The following TRIM3 variants were observed in gnomAD, a reference collection of about 807,000 sequenced individuals.
The protein encoded by TRIM3 is tripartite motif-containing protein 3.
TRIM3 carries 13 observed loss-of-function variants against 66.6 expected under a neutral mutation model. That is an observed-to-expected ratio of 0.20 (90% CI 0.13 to 0.31). The LOEUF (loss-of-function observed/expected upper bound fraction) is 0.31, where lower values mean the gene tolerates loss of function less well. TRIM3 is among the 10% of genes least tolerant of loss of function. TRIM3 has a pLI of 1.00. For missense variants in TRIM3, 711 were observed against 1,020.4 expected (o/e 0.70, Z 4.13); for synonymous variants, 406 against 411.7 (o/e 0.99, Z 0.17).
chr11:6,453,204 C>A (rs1432683423), intron 7 of TRIM3: 2 of 152,200 alleles, frequency 1.3e-5, no homozygotes, highest in Non-Finnish European at 2.9e-5. Flanking sequence ...AATCTCAGAC[C>A]TGAACTGGAC....
chr11:6,467,669 G>A (rs973895053), intron 1 of TRIM3, among the ~76,000 whole-genome samples: 13 of 152,194 alleles, frequency 8.5e-5, no homozygotes, highest in Admixed American at 6.5e-5. Context: ...GGAGGCTGAG[G>A]TGGGAGGATT....
Position 6,450,782 on chromosome 11 carries a change from G to T in TRIM3, c.1870+110C>A. Reference sequence around the variant, plus strand: ...TGATAGGGCTAACGTAAGGGAAGTGGGATCTCCAGAGCCAAGATATAGGAG... The same window carrying T: ...TGATAGGGCTAACGTAAGGGAAGTGTGATCTCCAGAGCCAAGATATAGGAG... On this transcript the variant is annotated intron_variant, in intron 9 of 11. Transcript: ENST00000345851. The surrounding 1 kb of genome is among the most constrained non-coding windows in gnomAD (Gnocchi z 4.8). 1 of 1,497,206 alleles carries T rather than the reference G, an allele frequency of 6.7e-7. No homozygotes were observed. Among genetic ancestry groups the T allele is most frequent in the South Asian group, 1.2e-5 (1 of 83,176 alleles). 92.7% of individuals were successfully genotyped at this position (1,497,206 alleles called of 1,614,324 possible).
chr11:6,455,312 G>A (rs1214522196), intron 7 of TRIM3, among the ~76,000 whole-genome samples: 1 of 152,168 alleles, frequency 6.6e-6, no homozygotes, highest in African/African-American at 2.4e-5. Flanking sequence ...TTGTTAGTAT[G>A]TGACAGAGCT....
chr11:6,469,897 C>T (rs1311373405), intron 1 of TRIM3, among the ~76,000 whole-genome samples: 5 of 152,040 alleles, frequency 3.3e-5, no homozygotes, highest in Admixed American at 3.3e-4. Context: ...AACGTTCAAG[C>T]TGAGGATGAG....
chr11:6,461,046 T>C (rs571746332), intron 2 of TRIM3, among the ~76,000 whole-genome samples: 6 of 151,918 alleles, frequency 3.9e-5, no homozygotes, highest in African/African-American at 1.4e-4. Context: ...GCTGGGATTA[T>C]AGGCTCACAC....
chr11:6,454,434 C>T (rs1197630576), intron 7 of TRIM3, among the ~76,000 whole-genome samples: 3 of 150,850 alleles, frequency 2.0e-5, no homozygotes, highest in Admixed American at 1.3e-4. Context: ...CTCACCAGGA[C>T]AGACAAAGTG....
intron 2 of TRIM3, among the ~76,000 whole-genome samples, chr11:6,461,682 A>C (rs1482441902): frequency 6.6e-6 from 1 of 152,058 alleles, no homozygotes; most frequent in Admixed American, 6.6e-5. Flanking sequence ...CACTGAATCT[A>C]GTGTTTCCCC....
At chr11:6,463,142 T>C (rs768657176) in intron 2 of TRIM3, among the ~76,000 whole-genome samples, 13 of 152,004 alleles carry the variant, frequency 8.6e-5, no homozygotes, top group African/African-American at 1.2e-4. Flanking sequence ...GAGGCAGAGA[T>C]TGCAGTGAGC....
chr11:6,474,081 C>T (rs1393135484), upstream of TRIM3: 4 of 150,548 alleles, frequency 2.7e-5, no homozygotes, highest in Non-Finnish European at 3.0e-5. Context: ...CACCCGCACG[C>T]CCCCCCGCCA....
chr11:6,457,602 C>A lies in TRIM3; in HGVS notation c.515+94G>T. On this transcript the variant is annotated intron_variant, in intron 4 of 11. Coordinates refer to ENST00000345851, the MANE Select transcript of TRIM3 (RefSeq NM_033278.4). This position sits in a 1 kb window ranked among gnomAD's most constrained non-coding sequence, Gnocchi z 4.5. Reference sequence around the variant, plus strand: ...CCTGAGACCTCCCTGAGACTTCCATCTCTGCCCTTCCCAGACCCTTTATTC... The same window carrying A: ...CCTGAGACCTCCCTGAGACTTCCATATCTGCCCTTCCCAGACCCTTTATTC... 2 of 1,553,896 alleles carry A rather than the reference C, an allele frequency of 1.3e-6. No homozygotes were observed. Among genetic ancestry groups the A allele is most frequent in the African/African-American group, 1.4e-5 (1 of 74,058 alleles).
chr11:6,458,143 C>T lies in TRIM3; in HGVS notation c.285G>A (p.Gly95=), dbSNP rs529205816. 3.1e-6 allele frequency: 5 copies of T among 1,614,044 alleles called. No individual in the cohort carries two copies. The highest frequency in any genetic ancestry group is 2.2e-5 in the East Asian group (1 of 44,878). ...LMEAMQQAPD[G]AHDPEDPHPL... is the part of the protein sequence containing the mutation. ...GGTGGGGGTCCTCCGGGTCGTGGGCCCCATCAGGTGCCTGCTGCATTGCCT... is the reference window on the plus strand; with the variant it reads ...GGTGGGGGTCCTCCGGGTCGTGGGCTCCATCAGGTGCCTGCTGCATTGCCT... Residue 95 remains glycine (G), a synonymous_variant, in exon 3 of 12, where the codon GGG becomes GGA. Coordinates refer to ENST00000345851, the MANE Select transcript of TRIM3 (RefSeq NM_033278.4). This position sits in a 1 kb window ranked among gnomAD's most constrained non-coding sequence, Gnocchi z 6.2.
chr11:6,453,788 T>C (rs908984795), intron 7 of TRIM3, among the ~76,000 whole-genome samples: 2 of 152,182 alleles, frequency 1.3e-5, no homozygotes, highest in Non-Finnish European at 2.9e-5. Context: ...GTCTGCCTCA[T>C]CCTCCACCAT....
intron 7 of TRIM3, among the ~76,000 whole-genome samples, chr11:6,455,263 TAC>T (rs1325608016): frequency 1.5e-5 from 2 of 132,412 alleles, no homozygotes; most frequent in Non-Finnish European, 3.1e-5. Context: ...TTCCTAATTT[TAC>T]ACATGAGTTA....
At position 6,449,284 on chromosome 11, in the gene TRIM3, G is replaced by A. The variant is rs1849620669; in HGVS notation, c.2082+22C>T. 6.2e-7 allele frequency: 1 copy of A among 1,612,022 alleles called. No homozygotes were observed. Among genetic ancestry groups the A allele is most frequent in the African/African-American group, 1.3e-5 (1 of 75,018 alleles). Reference sequence around the variant, plus strand: ...ACACACCAGGAAACCGCCCCCTCATGTCATTCCCAGGCCTTACTCACCTGG... The same window carrying A: ...ACACACCAGGAAACCGCCCCCTCATATCATTCCCAGGCCTTACTCACCTGG... On this transcript the variant is annotated intron_variant, in intron 11 of 11. Transcript: ENST00000345851. This position sits in a 1 kb window ranked among gnomAD's most constrained non-coding sequence, Gnocchi z 5.3.
chr11:6,450,643 C>G lies in TRIM3; in HGVS notation c.1871-22G>C. On this transcript the variant is annotated intron_variant, in intron 9 of 11. Transcript: ENST00000345851. The surrounding 1 kb of genome is among the most constrained non-coding windows in gnomAD (Gnocchi z 4.8). ...GGCCCTGAAAATACAAAGTGGTCTT[C>G]AGGGCAGTAAGCTGGGATGCTGAGT... 6.2e-7 allele frequency: 1 copy of G among 1,612,246 alleles called. No homozygotes were observed. Among genetic ancestry groups the G allele is most frequent in the African/African-American group, 1.3e-5 (1 of 74,952 alleles).
chr11:6,469,738 G>T (rs1049501792), intron 1 of TRIM3, among the ~76,000 whole-genome samples: 2 of 152,222 alleles, frequency 1.3e-5, no homozygotes, highest in Admixed American at 6.5e-5. Context: ...TTACTGCAAT[G>T]TAAAGTGGTG....
intron 7 of TRIM3, among the ~76,000 whole-genome samples, chr11:6,455,715 C>G (rs974093464): frequency 6.6e-6 from 1 of 152,016 alleles, no homozygotes; most frequent in Non-Finnish European, 1.5e-5. Context: ...GGGCAGGCCA[C>G]CAGGAGAAAA....
At chr11:6,465,821 C>A in intron 1 of TRIM3, 89 bp from the exon 2 acceptor site, 2 of 1,228,296 alleles carry the variant, frequency 1.6e-6, no homozygotes, top group Non-Finnish European at 1.1e-6. Context: ...AGAGAACTTG[C>A]CCCCACCTCT....
chr11:6,460,524 G>A (rs1016846418), intron 2 of TRIM3, among the ~76,000 whole-genome samples: 7 of 152,142 alleles, frequency 4.6e-5, no homozygotes, highest in Non-Finnish European at 7.3e-5. Flanking sequence ...AGGACTGGAC[G>A]TCAGTCTCTG....
Sources: allele counts gnomAD v4.1 joint callset (sites outside exome capture counted in the v4.1 genomes callset), GRCh38; gene constraint gnomAD v4.1.1; non-coding constraint Gnocchi (gnomAD v3.1); transcripts MANE v1.5; gene names NCBI Gene and HGNC (gene_info 2026-07-23, HGNC 2026-07-21).